Variants in PGLYRP2 observed in about 807,000 individuals in gnomAD.
The protein encoded by PGLYRP2 is peptidoglycan recognition protein 2.
Under a neutral mutation model 46.2 loss-of-function variants are expected in PGLYRP2, and 38 were observed. The observed-to-expected ratio is 0.82, with a 90% CI of 0.64 to 1.08. The LOEUF (loss-of-function observed/expected upper bound fraction) is 1.08, where lower values mean the gene tolerates loss of function less well. Ranked by LOEUF, PGLYRP2 falls within the 50% of genes least tolerant of loss-of-function variation. PGLYRP2 has a pLI of 0.00. For missense variants in PGLYRP2, 713 were observed against 755.9 expected (o/e 0.94, Z 0.67); for synonymous variants, 289 against 329.4 (o/e 0.88, Z 1.33).
chr19:15,479,119 A>G (rs1224751852), intron 1 of PGLYRP2, among the ~76,000 whole-genome samples, 192 bp downstream of exon 1: 2 of 152,034 alleles, frequency 1.3e-5, no homozygotes, highest in Non-Finnish European at 2.9e-5. Context: ...TTTGCTCTCC[A>G]GGCCCCAGAT....
At chr19:15,478,130 TGA>T (rs1307331661) in intron 1 of PGLYRP2, among the ~76,000 whole-genome samples, 4 of 152,150 alleles carry the variant, frequency 2.6e-5, no homozygotes, top group African/African-American at 9.7e-5. Context: ...GCGGATCACT[TGA>T]GGTCAGGAGT....
rs767465377 is a variant in PGLYRP2, at chr19:15,471,915, G to A, written c.1318C>T (p.Gln440Ter). The change falls in exon 3 of 5, where the codon CAA becomes TAA. Residue 440 changes from glutamine (Q) to a stop codon, truncating the protein, a stop_gained. Transcript: ENST00000340880. LOFTEE classifies it high-confidence loss of function. ...CTGTAGCCGATGTCTCCCCAGCCTTGCGTGTCCTGGTGGTAGCGCTGCATG... is the reference window on the plus strand; with the variant it reads ...CTGTAGCCGATGTCTCCCCAGCCTTACGTGTCCTGGTGGTAGCGCTGCATG... ...RSMQRYHQDT[Q>*]GWGDIGYSFV... 1 of 1,614,044 alleles carries A rather than the reference G, an allele frequency of 6.2e-7. No individual in the cohort carries two copies. The highest frequency in any genetic ancestry group is 2.2e-5 in the East Asian group (1 of 44,878).
chr19:15,469,847 G>A lies in PGLYRP2; in HGVS notation c.1426C>T (p.Arg476Trp), dbSNP rs2304200. Residue 476 changes from arginine to tryptophan, a missense_variant, in exon 4 of 5, where the codon CGG (arginine) becomes TGG (tryptophan). Physicochemically the swap from Arg to Trp is moderately radical, Grantham distance 101. Transcript: ENST00000340880. The surrounding 1 kb of genome is among the most constrained non-coding windows in gnomAD (Gnocchi z 4.9). ...VGAHTLGHNS[R>W]GFGVAIVGNY... ...CCCACTATGGCCACGCCGAAGCCCC[G>A]GGAGTTGTGGCCGAGCGTGTGGGCG... The A allele has an allele frequency of 0.08, 121,541 of 1,525,428 alleles. 5,262 individuals carry two copies. Among genetic ancestry groups the A allele is most frequent in the Middle Eastern group, 0.13 (589 of 4,538 alleles). The allele number at this position is 1,525,428 out of a possible 1,614,324, so 94.5% of individuals were successfully genotyped here. A position where few individuals can be genotyped will look rare whatever the true frequency, so the allele number is the denominator to read the frequency against.
At chr19:15,473,870 G>GAAAGAAAAAGAAAGAAAT (rs1970772316) in intron 2 of PGLYRP2, among the ~76,000 whole-genome samples, 1 of 151,270 alleles carries the variant, frequency 6.6e-6, no homozygotes, top group African/African-American at 2.4e-5. Flanking sequence ...AAGAAAGAAA[G>GAAAGAAAAAGAAAGAAAT]AAAGAAACCC....
At chr19:15,470,231 G>T (rs1325947157) in intron 3 of PGLYRP2, among the ~76,000 whole-genome samples, 4 of 131,578 alleles carry the variant, frequency 3.0e-5, no homozygotes, top group East Asian at 2.3e-4. Context: ...CTGTTTTTGG[G>T]TTTTTTTTCT....
chr19:15,474,003 A>C (rs1214877865), intron 2 of PGLYRP2, among the ~76,000 whole-genome samples: 22 of 152,192 alleles, frequency 1.4e-4, no homozygotes, highest in Admixed American at 1.4e-3. Flanking sequence ...TTAAAACCAC[A>C]ATGAGATATC....
At chr19:15,477,392 C>CA (rs34640786) in intron 1 of PGLYRP2, among the ~76,000 whole-genome samples, 4,010 of 80,364 alleles carry the variant, frequency 0.05, 260 homozygotes, top group African/African-American at 0.17. Context: ...GACTTTGTCT[C>CA]AAAAAAAAAA....
intron 3 of PGLYRP2, 76 bp from the exon 4 acceptor site, chr19:15,470,005 T>G: frequency 7.6e-7 from 1 of 1,316,732 alleles, no homozygotes; most frequent in Non-Finnish European, 9.7e-7. Context: ...CCTCCCCGAT[T>G]CTGTTGGTGT....
At chr19:15,471,144 G>T (rs559099540) in intron 3 of PGLYRP2, among the ~76,000 whole-genome samples, 12 of 115,176 alleles carry the variant, frequency 1.0e-4, no homozygotes, top group African/African-American at 1.4e-4. Context: ...ACGGAGTCTC[G>T]CTCTGTCGCC....
chr19:15,473,339 A>G (rs959606964), intron 2 of PGLYRP2, among the ~76,000 whole-genome samples: 3 of 151,638 alleles, frequency 2.0e-5, no homozygotes, highest in African/African-American at 7.3e-5. Flanking sequence ...GCATGGTGGT[A>G]GGTACCTGTA....
Position 15,469,802 on chromosome 19 carries a change from G to T in PGLYRP2, c.1471C>A (p.Pro491Thr). 1 of 1,515,232 alleles carries T rather than the reference G, an allele frequency of 6.6e-7. No homozygotes were observed. The highest frequency in any genetic ancestry group is 8.8e-7 in the Non-Finnish European group (1 of 1,140,758). The allele number at this position is 1,515,232 out of a possible 1,614,324, so 93.9% of individuals were successfully genotyped here. A position where few individuals can be genotyped will look rare whatever the true frequency, so the allele number is the denominator to read the frequency against. ...AIVGNYTAAL[P>T]TEAALRTVRD... ...ACCGTGCGCAGAGCGGCCTCGGTGG[G>T]CAGCGCCGCGGTGTAGTTGCCCACT... Residue 491 changes from proline to threonine, a missense_variant, in exon 4 of 5, where the codon CCC becomes ACC. Pro to Thr is a conservative substitution (Grantham distance 38, BLOSUM62 -1). Coordinates refer to ENST00000340880, the MANE Select transcript of PGLYRP2 (RefSeq NM_052890.4). This position sits in a 1 kb window ranked among gnomAD's most constrained non-coding sequence, Gnocchi z 4.9.
Position 15,468,746 on chromosome 19 carries a change from T to A in PGLYRP2, c.1648A>T (p.Lys550Ter). ...RTWPHFTATV[K>*]PRPARSVSKR... ...GAGACACTCCTGGCAGGTCTTGGCT[T>A]AACAGTCTGGAAAAAGACAAGGGAG... The change falls in exon 5 of 5, where the codon AAG (lysine) becomes TAG (stop). Residue 550 changes from lysine (K) to a stop codon, truncating the protein, a stop_gained. Coordinates refer to ENST00000340880, the MANE Select transcript of PGLYRP2 (RefSeq NM_052890.4). LOFTEE classifies it low-confidence loss of function (END_TRUNC). 3.7e-6 allele frequency: 6 copies of A among 1,610,532 alleles called. No homozygotes were observed. Among genetic ancestry groups the A allele is most frequent in the Non-Finnish European group, 5.1e-6 (6 of 1,178,156 alleles).
At position 15,469,585 on chromosome 19, in the gene PGLYRP2, T is replaced by C. The variant is rs949049882; in HGVS notation, c.1641+47A>G. The C allele has an allele frequency of 1.3e-6, 2 of 1,556,432 alleles. No individual in the cohort carries two copies. The highest frequency in any genetic ancestry group is 1.4e-5 in the African/African-American group (1 of 73,890). ...GGGCAGGGGCCTCGTGGAGCTTGTG[T>C]AGACGGAGGGGCGGCGGGCCGTGTA... On this transcript the variant is annotated intron_variant, in intron 4 of 4. Coordinates refer to ENST00000340880, the MANE Select transcript of PGLYRP2 (RefSeq NM_052890.4). This position sits in a 1 kb window ranked among gnomAD's most constrained non-coding sequence, Gnocchi z 4.9.
At chr19:15,470,293 C>CTTCCTTCCTTCCTTCT (rs769321802) in intron 3 of PGLYRP2, among the ~76,000 whole-genome samples, 3,513 of 101,228 alleles carry the variant, frequency 0.035, 66 homozygotes, top group Middle Eastern at 0.064. Flanking sequence ...TCCTTCCTTC[C>CTTCCTTCCTTCCTTCT]TTCTTTCTTT....
At position 15,474,370 on chromosome 19, in the gene PGLYRP2, AT is replaced by A. The variant is rs532313854; in HGVS notation, c.1132+1167del. On this transcript the variant is annotated intron_variant, in intron 2 of 4. Coordinates refer to ENST00000340880, the MANE Select transcript of PGLYRP2 (RefSeq NM_052890.4). ...AACAAAACAAAACAAAACAAAAAAA[AT>A]AATAATAAATTGGAACTATCATTCA... Among the ~76,000 whole-genome samples the A allele has an allele frequency of 4.5e-4, 68 of 152,194 alleles. No individual in the cohort carries two copies. In the Middle Eastern group the frequency reaches 0.01, roughly 23 times the overall value.
In PGLYRP2 at chr19:15,469,152, G is replaced by A; in HGVS notation, c.1642-400C>T. 3.5e-6 allele frequency: 2 copies of A among 568,034 alleles called. No individual in the cohort carries two copies. Among genetic ancestry groups the A allele is most frequent in the South Asian group, 2.3e-5 (1 of 43,148 alleles). The allele number at this position is 568,034 out of a possible 1,614,324, so 35.2% of individuals were successfully genotyped here. A position where few individuals can be genotyped will look rare whatever the true frequency, so the allele number is the denominator to read the frequency against. On this transcript the variant is annotated intron_variant, in intron 4 of 4. Coordinates refer to ENST00000340880, the MANE Select transcript of PGLYRP2 (RefSeq NM_052890.4). This position sits in a 1 kb window ranked among gnomAD's most constrained non-coding sequence, Gnocchi z 4.9. ...TTAAGGACTGGACAGAGGTTGTGAA[G>A]GCAAAAGGTCACAGCCTAGGTTCAT...
intron 2 of PGLYRP2, among the ~76,000 whole-genome samples, chr19:15,475,026 G>T (rs944211783): frequency 1.3e-5 from 2 of 151,688 alleles, no homozygotes; most frequent in African/African-American, 4.8e-5. Context: ...AACATGGATG[G>T]AACTGGAGGC....
Position 15,479,357 on chromosome 19 carries a change from G to A in PGLYRP2, c.15C>T (p.Val5=), listed in dbSNP as rs779477459. 5 of 1,614,044 alleles carry A rather than the reference G, an allele frequency of 3.1e-6. No individual in the cohort carries two copies. The highest frequency in any genetic ancestry group is 2.5e-6 in the Non-Finnish European group (3 of 1,179,978). Residue 5 remains valine (V), a synonymous_variant, in exon 1 of 5, where the codon GTC becomes GTT. Coordinates refer to ENST00000340880, the MANE Select transcript of PGLYRP2 (RefSeq NM_052890.4). The part of the protein sequence containing the change: MAQG[V]LWILLGLLLW... ...GTAGCAATCCGAGTAGGATCCAGAG[G>A]ACACCCTGGGCCATTGTTGCAGGAT... is the stretch of plus-strand genomic sequence containing the variant.
In PGLYRP2 at chr19:15,474,337, A is replaced by AAAAAC. The variant is rs575386144; in HGVS notation, c.1132+1196_1132+1200dup. Among the ~76,000 whole-genome samples the AAAAAC allele has an allele frequency of 3.1e-3, 465 of 152,238 alleles. 2 individuals carry two copies. Among genetic ancestry groups the AAAAAC allele is most frequent in the African/African-American group, 9.7e-3 (404 of 41,500 alleles). ...GGGAGACAAGAGTGAAACTCTGTCT[A>AAAAAC]AAAACAAAACAAAACAAAACAAAAC... On this transcript the variant is annotated intron_variant, in intron 2 of 4. Coordinates refer to ENST00000340880, the MANE Select transcript of PGLYRP2 (RefSeq NM_052890.4).
Sources: allele counts gnomAD v4.1 joint callset (sites outside exome capture counted in the v4.1 genomes callset), GRCh38; gene constraint gnomAD v4.1.1; non-coding constraint Gnocchi (gnomAD v3.1); transcripts MANE v1.5; gene names NCBI Gene and HGNC (gene_info 2026-07-23, HGNC 2026-07-21).